The following ATXN7 variants were observed in gnomAD, a reference collection of about 807,000 sequenced individuals.
ATXN7 encodes the protein ataxin 7.
In ATXN7, 12 loss-of-function variants were observed where a neutral mutation model predicts 70.5. That is an observed-to-expected ratio of 0.17 (90% CI 0.11 to 0.28). ATXN7 has a LOEUF of 0.28. Ranked by LOEUF, ATXN7 falls within the 10% of genes least tolerant of loss-of-function variation. ATXN7 has a pLI of 1.00. For missense variants in ATXN7, 1,256 were observed against 1,131.7 expected, an observed-to-expected ratio of 1.11 and a Z score of -1.58; for synonymous variants, 498 against 448.7, an observed-to-expected ratio of 1.11 and a Z score of -1.39.
intron 8 of ATXN7, among the ~76,000 whole-genome samples, chr3:63,984,901 A>G (rs1269611727): frequency 1.3e-5 from 2 of 152,162 alleles, no homozygotes; most frequent in Non-Finnish European, 2.9e-5. Context: ...TGACTGGGTT[A>G]TTTATCTTAG....
chr3:63,927,441 A>G (rs565815666), intron 4 of ATXN7, among the ~76,000 whole-genome samples: 3 of 152,330 alleles, frequency 2.0e-5, no homozygotes, highest in South Asian at 2.1e-4. Flanking sequence ...GGGGGAAAAC[A>G]GTATAGACCA....
intron 1 of ATXN7, chr3:63,864,955 G>A (rs1389849882): frequency 6.6e-6 from 1 of 152,218 alleles, no homozygotes; most frequent in Non-Finnish European, 1.5e-5. Flanking sequence ...CCTCCAGTGG[G>A]ATAGATACGA....
At chr3:63,997,359 C>T (rs1171574982) in intron 12 of ATXN7, among the ~76,000 whole-genome samples, 1 of 152,174 alleles carries the variant, frequency 6.6e-6, no homozygotes, top group Non-Finnish European at 1.5e-5. Context: ...GGCAGGAAAA[C>T]AGGATTCAGT....
intron 1 of ATXN7, among the ~76,000 whole-genome samples, chr3:63,891,847 C>G (rs1257952312): frequency 6.6e-6 from 1 of 152,140 alleles, no homozygotes; most frequent in East Asian, 1.9e-4. Flanking sequence ...GCTGCTCAGC[C>G]TGTATTTAGG....
At chr3:63,906,823 G>A (rs1022398863) in intron 2 of ATXN7, among the ~76,000 whole-genome samples, 32 of 152,174 alleles carry the variant, frequency 2.1e-4, no homozygotes, top group Non-Finnish European at 1.2e-4. Context: ...TTTGTCATTT[G>A]GGCTAGACCA....
At chr3:63,946,268 G>C (rs2074858706) in intron 4 of ATXN7, among the ~76,000 whole-genome samples, 1 of 152,168 alleles carries the variant, frequency 6.6e-6, no homozygotes, top group Non-Finnish European at 1.5e-5. Flanking sequence ...ATTGGGGCTA[G>C]TTCTTGTCGA....
At chr3:63,963,990 T>G (rs1004881385) in intron 5 of ATXN7, among the ~76,000 whole-genome samples, 4 of 152,230 alleles carry the variant, frequency 2.6e-5, no homozygotes, top group African/African-American at 4.8e-5. Context: ...GAGAGTTATC[T>G]CCAAAGGAGT....
At chr3:63,966,540 T>C (rs1323174230) in intron 5 of ATXN7, among the ~76,000 whole-genome samples, 1 of 152,194 alleles carries the variant, frequency 6.6e-6, no homozygotes, top group African/African-American at 2.4e-5. Flanking sequence ...TTCCATAGTT[T>C]TGGATTGTAT....
chr3:63,917,242 G>A lies in ATXN7; in HGVS notation c.394+4017G>A, dbSNP rs551926964. Among the ~76,000 whole-genome samples, 9 of 152,208 alleles carry A rather than the reference G, an allele frequency of 5.9e-5. No individual in the cohort carries two copies. The East Asian group carries it at 1.4e-3, about 23-fold the overall frequency. On this transcript the variant is annotated intron_variant, in intron 4 of 12. Transcript: ENST00000674280. ...GTTGACGTTTTTGAAATGATTAAAC[G>A]TCAACCCTGGTTGATGTTTTTGAAA...
chr3:63,932,983 T>TAAAA (rs2074584810), intron 4 of ATXN7, among the ~76,000 whole-genome samples: 1 of 152,252 alleles, frequency 6.6e-6, no homozygotes, highest in East Asian at 1.9e-4. Context: ...TACAGACTCT[T>TAAAA]GGCAGTGTTG....
intron 4 of ATXN7, among the ~76,000 whole-genome samples, chr3:63,944,469 T>C (rs1020577558): frequency 6.6e-6 from 1 of 152,190 alleles, no homozygotes; most frequent in Non-Finnish European, 1.5e-5. Context: ...ACAGGTAGTG[T>C]AGACAGTGTA....
chr3:63,984,174 A>G (rs1038648414), intron 8 of ATXN7, among the ~76,000 whole-genome samples: 4 of 151,628 alleles, frequency 2.6e-5, no homozygotes, highest in African/African-American at 7.3e-5. Context: ...TTTGGGGAAA[A>G]GGGTTGGTCA....
chr3:63,907,392 T>C (rs1703872017), intron 2 of ATXN7, among the ~76,000 whole-genome samples: 1 of 152,002 alleles, frequency 6.6e-6, no homozygotes, highest in South Asian at 2.1e-4. Flanking sequence ...CGCAGTACAC[T>C]AGAACTCTAT....
At chr3:63,914,545 A>C (rs1704185202) in intron 4 of ATXN7, among the ~76,000 whole-genome samples, 1 of 152,236 alleles carries the variant, frequency 6.6e-6, no homozygotes, top group African/African-American at 2.4e-5. Flanking sequence ...GCCTGGGCTT[A>C]AAAAATTAAA....
chr3:63,911,463 CT>C (rs1371672366), intron 2 of ATXN7: 1 of 152,084 alleles, frequency 6.6e-6, no homozygotes, highest in Non-Finnish European at 1.5e-5. Flanking sequence ...TCCCTAGGGT[CT>C]CGTCCTGCCC....
At chr3:63,869,136 G>T (rs539844358) in intron 1 of ATXN7, among the ~76,000 whole-genome samples, 1 of 152,072 alleles carries the variant, frequency 6.6e-6, no homozygotes, top group Non-Finnish European at 1.5e-5. Context: ...TCATTTATTC[G>T]TGGTGATCAT....
intron 1 of ATXN7, among the ~76,000 whole-genome samples, chr3:63,882,515 G>T (rs561331491): frequency 3.6e-4 from 55 of 151,644 alleles, no homozygotes; most frequent in African/African-American, 1.3e-3. Flanking sequence ...CTCGCAAGTA[G>T]TTGGGAATGT....
intron 2 of ATXN7, among the ~76,000 whole-genome samples, chr3:63,906,163 A>C (rs1187609125): frequency 6.6e-6 from 1 of 152,204 alleles, no homozygotes; most frequent in Non-Finnish European, 1.5e-5. Flanking sequence ...TTGGAGGTGG[A>C]AAGGGAGTGC....
At chr3:63,966,115 A>G (rs2075218369) in intron 5 of ATXN7, among the ~76,000 whole-genome samples, 1 of 152,148 alleles carries the variant, frequency 6.6e-6, no homozygotes, top group Non-Finnish European at 1.5e-5. Context: ...TGTATTTCGT[A>G]CAATCACTGT....
Sources: allele counts gnomAD v4.1 joint callset (sites outside exome capture counted in the v4.1 genomes callset), GRCh38; gene constraint gnomAD v4.1.1; transcripts MANE v1.5; gene names NCBI Gene and HGNC (gene_info 2026-07-23, HGNC 2026-07-21).